The following EIF4E3 variants were observed in gnomAD, a reference collection of about 807,000 sequenced individuals.
EIF4E3 encodes the protein eukaryotic translation initiation factor 4E type 3.
In EIF4E3, 26 loss-of-function variants were observed where a neutral mutation model predicts 31.7. That is an observed-to-expected ratio of 0.82 (90% CI 0.60 to 1.14). The LOEUF is 1.14. Ranked by LOEUF, EIF4E3 falls within the 50% of genes most tolerant of loss-of-function variation. The pLI is 0.00. For synonymous variants in EIF4E3, 128 were observed against 107.7 expected (o/e 1.19, Z -1.17); for missense variants, 304 against 270.9 (o/e 1.12, Z -0.86).
chr3:71,697,630 T>C (rs1319523278), intron 3 of EIF4E3, among the ~76,000 whole-genome samples: 1 of 152,144 alleles, frequency 6.6e-6, no homozygotes, highest in African/African-American at 2.4e-5. Context: ...GGTTTTTTTT[T>C]TTTAAGCTCC....
upstream of EIF4E3, chr3:71,754,370 C>T (rs1473010137): frequency 7.5e-7 from 1 of 1,330,640 alleles, no homozygotes; most frequent in Admixed American, 2.6e-5. This position sits in a 1 kb window ranked among gnomAD's most constrained non-coding sequence, Gnocchi z 5.8. Flanking sequence ...TCTTCTGCTT[C>T]CACGCCGCCT....
At chr3:71,729,641 G>A (rs533153647), upstream of EIF4E3, among the ~76,000 whole-genome samples, 1 of 152,168 alleles carries the variant, frequency 6.6e-6, no homozygotes, top group Non-Finnish European at 1.5e-5. Context: ...CTGGTATATA[G>A]TAAAGATACA....
intron 1 of EIF4E3, among the ~76,000 whole-genome samples, chr3:71,741,794 A>G (rs1578389632): frequency 6.6e-6 from 1 of 152,274 alleles, no homozygotes; most frequent in East Asian, 1.9e-4. Context: ...TAAACTTAAC[A>G]GAACTCAAGT....
At chr3:71,729,771 CT>C (rs1051073592), upstream of EIF4E3, among the ~76,000 whole-genome samples, 3 of 149,852 alleles carry the variant, frequency 2.0e-5, no homozygotes, top group Non-Finnish European at 4.4e-5. Flanking sequence ...AGAAATTCCT[CT>C]CTCTGGGAGC....
intron 1 of EIF4E3, among the ~76,000 whole-genome samples, chr3:71,715,165 G>A (rs949802926): frequency 6.6e-6 from 1 of 152,116 alleles, no homozygotes; most frequent in East Asian, 1.9e-4. Flanking sequence ...AGAAGCCAAC[G>A]GTGCTGCTGA....
chr3:71,674,961 G>A (rs116377852), downstream of EIF4E3, among the ~76,000 whole-genome samples: 182 of 152,266 alleles, frequency 1.2e-3, no homozygotes, highest in African/African-American at 3.6e-3. Flanking sequence ...TTTGCATTGC[G>A]TCAGTTTGCT....
intron 1 of EIF4E3, among the ~76,000 whole-genome samples, chr3:71,710,881 A>G (rs1011850523): frequency 3.3e-5 from 5 of 152,204 alleles, no homozygotes; most frequent in Non-Finnish European, 7.3e-5. Context: ...TGGCCTGGTG[A>G]TATGTTTGCA....
downstream of EIF4E3, among the ~76,000 whole-genome samples, chr3:71,670,724 T>C (rs538293414): frequency 2.6e-5 from 4 of 152,308 alleles, no homozygotes; most frequent in Admixed American, 2.6e-4. Flanking sequence ...GTCAGACCAC[T>C]GTGGTACCAT....
At chr3:71,710,248 G>A (rs918734219) in intron 2 of EIF4E3, among the ~76,000 whole-genome samples, 164 bp downstream of exon 2, 2 of 152,198 alleles carry the variant, frequency 1.3e-5, no homozygotes, top group African/African-American at 4.8e-5. Context: ...AGCTGGCCCT[G>A]GAGCAGACTT....
At chr3:71,715,944 C>T (rs546024108) in intron 1 of EIF4E3, among the ~76,000 whole-genome samples, 1 of 152,276 alleles carries the variant, frequency 6.6e-6, no homozygotes, top group African/African-American at 2.4e-5. Flanking sequence ...GGCTCTGAGG[C>T]CCATGACCTT....
chr3:71,708,759 C>T (rs936692311), intron 2 of EIF4E3, among the ~76,000 whole-genome samples: 3 of 152,112 alleles, frequency 2.0e-5, no homozygotes, highest in Admixed American at 6.6e-5. Flanking sequence ...AAAAAATGGC[C>T]GCTGGGAAAT....
At chr3:71,673,561 A>C (rs1013767513), downstream of EIF4E3, among the ~76,000 whole-genome samples, 1 of 152,140 alleles carries the variant, frequency 6.6e-6, no homozygotes, top group African/African-American at 2.4e-5. Context: ...TAAAAAAAAA[A>C]ACACCGCTTA....
intron 2 of EIF4E3, among the ~76,000 whole-genome samples, chr3:71,700,206 G>C (rs1369810453): frequency 6.6e-6 from 1 of 152,034 alleles, no homozygotes; most frequent in Non-Finnish European, 1.5e-5. Flanking sequence ...ACAACAACAA[G>C]AAGAAAAGAT....
intron 6 of EIF4E3, among the ~76,000 whole-genome samples, chr3:71,687,237 G>C (rs1398582067): frequency 6.6e-6 from 1 of 152,032 alleles, no homozygotes; most frequent in Non-Finnish European, 1.5e-5. Flanking sequence ...CCTGACCTCA[G>C]ATGATCTGCC....
At chr3:71,666,006 T>C in the EIF4E3 span, among the ~76,000 whole-genome samples, 12 of 152,126 alleles carry the variant, frequency 7.9e-5, no homozygotes, top group African/African-American at 2.7e-4. Context: ...GGGAAAGACC[T>C]AAAATCGACA....
Position 71,712,639 on chromosome 3 carries a change from C to T in EIF4E3, c.177-2155G>A, listed in dbSNP as rs4677041. 4.6e-3 allele frequency among the ~76,000 whole-genome samples: 481 copies of T among 104,834 alleles called. 10 individuals carry two copies. The highest frequency in any genetic ancestry group is 7.3e-3 in the Non-Finnish European group (396 of 54,106). 68.8% of individuals were successfully genotyped at this position (104,834 alleles called of 152,430 possible). ...ATGTGTGTGTGTTGCGGGGGGTGGGCGGGGGAGATTCTAGGGCTCAAAGGG... is the reference window on the plus strand; with the variant it reads ...ATGTGTGTGTGTTGCGGGGGGTGGGTGGGGGAGATTCTAGGGCTCAAAGGG... On this transcript the variant is annotated intron_variant, in intron 1 of 6. Transcript: ENST00000425534.
chr3:71,719,995 C>CA (rs1482232190), intron 1 of EIF4E3, among the ~76,000 whole-genome samples: 15 of 151,548 alleles, frequency 9.9e-5, no homozygotes, highest in Non-Finnish European at 2.1e-4. Flanking sequence ...GCCTGGGTAA[C>CA]AGAGAATGCC....
chr3:71,719,080 C>T (rs1403012945), intron 1 of EIF4E3, among the ~76,000 whole-genome samples: 2 of 152,202 alleles, frequency 1.3e-5, no homozygotes, highest in African/African-American at 4.8e-5. Context: ...TATTATGGAA[C>T]ACACCATTGG....
chr3:71,738,306 G>A lies in EIF4E3; in HGVS notation c.-290-9683C>T, dbSNP rs1182075301. ...TCCTTCCCCTACCTAAGCCAGCAAGGCCAAGTGAGAATCTTAGACTTTTAC... is the reference window on the plus strand; with the variant it reads ...TCCTTCCCCTACCTAAGCCAGCAAGACCAAGTGAGAATCTTAGACTTTTAC... On this transcript the variant is annotated intron_variant, in intron 1 of 7. Coordinates refer to the EIF4E3 transcript ENST00000295612. Among the ~76,000 whole-genome samples the A allele has an allele frequency of 1.2e-4, 18 of 152,222 alleles. No individual in the cohort carries two copies. The East Asian group carries it at 3.5e-3, about 29-fold the overall frequency.
Sources: gnomAD v4.1 joint callset for allele counts (sites outside exome capture counted in the v4.1 genomes callset) on GRCh38, gnomAD v4.1.1 for gene constraint, Gnocchi (gnomAD v3.1) non-coding constraint, MANE v1.5 for transcripts, NCBI Gene and HGNC (gene_info 2026-07-23, HGNC 2026-07-21) for gene names.